SPOCD1: variants seen among roughly 807,000 people sequenced by gnomAD.
SPOCD1 encodes SPOC domain containing 1.
Under a neutral mutation model 92.2 loss-of-function variants are expected in SPOCD1, and 64 were observed. That is an observed-to-expected ratio of 0.69 (90% CI 0.57 to 0.86). The LOEUF is 0.86. Among genes scored for constraint, SPOCD1 ranks in the 40% least tolerant of loss-of-function variants. The probability of loss-of-function intolerance (pLI) is 0.00; values close to 1 mark genes in which losing one functional copy is unlikely to be tolerated. For synonymous variants in SPOCD1, 578 were observed against 619.3 expected, an observed-to-expected ratio of 0.93 and a Z score of 0.99; for missense variants, 1,360 against 1,543.1, an observed-to-expected ratio of 0.88 and a Z score of 1.99.
Position 31,791,180 on chromosome 1 carries a change from C to A in SPOCD1, c.3074G>T (p.Gly1025Val). ...AACCTTCCCCAACCAGGGGCTGGAC[C>A]CTGCTGTGTCTGGAAGCCCTTCCTT... The part of the protein sequence containing the change: ...LPKEGLPDTA[G>V]SSPWLGKVQK... The change falls in exon 16 of 16, where the codon GGG becomes GTG. Residue 1025 changes from glycine to valine, a missense_variant. Coordinates refer to ENST00000360482, the MANE Select transcript of SPOCD1 (RefSeq NM_144569.7). The A allele has an allele frequency of 1.2e-6, 2 of 1,612,296 alleles. No homozygotes were observed. The highest frequency in any genetic ancestry group is 1.7e-5 in the Admixed American group (1 of 59,856).
chr1:31,813,853 C>T (rs1356582264), intron 2 of SPOCD1, 98 bp downstream of exon 2: 7 of 1,107,114 alleles, frequency 6.3e-6, no homozygotes, highest in Non-Finnish European at 6.2e-6. Flanking sequence ...GTTCATGAAG[C>T]GCCCATCTAG....
At chr1:31,807,462 T>C (rs1570193386) in intron 2 of SPOCD1, among the ~76,000 whole-genome samples, 1 of 92,028 alleles carries the variant, frequency 1.1e-5, no homozygotes, top group Non-Finnish European at 2.3e-5. Context: ...AAATAACAGA[T>C]AGGTCAAAGA....
chr1:31,810,916 C>T (rs575398668), intron 2 of SPOCD1, among the ~76,000 whole-genome samples: 2 of 152,230 alleles, frequency 1.3e-5, no homozygotes, highest in South Asian at 4.1e-4. Flanking sequence ...GGCAGAGTTG[C>T]CCCACACACA....
rs1379148874 is a variant in SPOCD1 at position 31,794,239 on chromosome 1, G to A, written c.2272-4C>T. 1 of 1,608,304 alleles carries A rather than the reference G, an allele frequency of 6.2e-7. No homozygotes were observed. The highest frequency in any genetic ancestry group is 8.5e-7 in the Non-Finnish European group (1 of 1,175,486). The stretch of plus-strand genomic sequence containing the variant: ...AGTCCATGAACATCTGCGGTCCCTG[G>A]GAGGCAGAAGACAGAGGGGCAGGCT... On this transcript the variant is annotated splice_region_variant and splice_polypyrimidine_tract_variant and intron_variant, in intron 10 of 15. Coordinates refer to ENST00000360482, the MANE Select transcript of SPOCD1 (RefSeq NM_144569.7).
intron 2 of SPOCD1, among the ~76,000 whole-genome samples, chr1:31,808,983 G>A (rs1436585465): frequency 1.3e-5 from 2 of 152,172 alleles, no homozygotes; most frequent in African/African-American, 4.8e-5. Context: ...GAGGTCAGGA[G>A]TTCAAGACCA....
intron 2 of SPOCD1, among the ~76,000 whole-genome samples, chr1:31,803,669 A>G (rs151098243): frequency 1.3e-3 from 194 of 152,060 alleles, no homozygotes; most frequent in African/African-American, 4.6e-3. Flanking sequence ...TGAGCCGGAG[A>G]AGTCAAGGCT....
chr1:31,792,670 G>T lies in SPOCD1; in HGVS notation c.2775+8C>A. Reference sequence around the variant, plus strand: ...GAAAAGAGGGGGTGCCCAAGAGTGGGCAGGTACCTTGGCCTTGGCTGGGCA... The same window carrying T: ...GAAAAGAGGGGGTGCCCAAGAGTGGTCAGGTACCTTGGCCTTGGCTGGGCA... On this transcript the variant is annotated splice_region_variant and intron_variant, in intron 14 of 15. Transcript: ENST00000360482. The T allele has an allele frequency of 6.3e-7, 1 of 1,588,914 alleles. No homozygotes were observed.
intron 12 of SPOCD1, 53 bp downstream of exon 12, chr1:31,793,694 G>A (rs999345905): frequency 6.2e-7 from 1 of 1,611,424 alleles, no homozygotes. Context: ...CCAGGTGGTG[G>A]CCTCCCCCTC....
rs1557812819 is a variant in SPOCD1 at position 31,791,027 on chromosome 1, C to A, written c.3227G>T (p.Gly1076Val). The change falls in exon 16 of 16, where the codon GGC (glycine) becomes GTC (valine). Residue 1076 changes from glycine (G) to valine (V), a missense_variant. Coordinates refer to ENST00000360482, the MANE Select transcript of SPOCD1 (RefSeq NM_144569.7). ...GGAWQQSQGR[G>V]SIAPRGISAW... ...AGAGATTCCCCTTGGAGCTATACTGCCCCTGCCCTGGCTCTGCTGCCAGGC... is the reference window on the plus strand; with the variant it reads ...AGAGATTCCCCTTGGAGCTATACTGACCCTGCCCTGGCTCTGCTGCCAGGC... The A allele has an allele frequency of 1.9e-6, 3 of 1,611,142 alleles. No individual in the cohort carries two copies. The South Asian group carries it at 3.3e-5, about 18-fold the overall frequency.
chr1:31,805,897 A>G (rs1033272777), intron 2 of SPOCD1, among the ~76,000 whole-genome samples: 4 of 152,234 alleles, frequency 2.6e-5, no homozygotes, highest in African/African-American at 9.6e-5. Flanking sequence ...AATTATGCAA[A>G]AAGGTTAAAA....
chr1:31,790,919 G>A lies in SPOCD1; in HGVS notation c.3335C>T (p.Pro1112Leu). 1 of 1,582,756 alleles carries A rather than the reference G, an allele frequency of 6.3e-7. No homozygotes were observed. Among genetic ancestry groups the A allele is most frequent in the Non-Finnish European group, 8.6e-7 (1 of 1,165,282 alleles). Residue 1112 changes from proline (P) to leucine (L), a missense_variant, in exon 16 of 16, where the codon CCC (proline) becomes CTC (leucine). Transcript: ENST00000360482. ...GGACTGGCGCAAGCCTGGCTCTGGG[G>A]GCCACTGCCCTCGCCCAGGATGCTG... ...NWQHPGRGQWPPEPGLRQSQH... is the reference protein window; with the variant it reads ...NWQHPGRGQWLPEPGLRQSQH...
In SPOCD1 at chr1:31,800,119, C is replaced by T; in HGVS notation, c.1625G>A (p.Gly542Glu). 6.2e-7 allele frequency: 1 copy of T among 1,606,024 alleles called. No homozygotes were observed. The highest frequency in any genetic ancestry group is 8.5e-7 in the Non-Finnish European group (1 of 1,177,516). The change falls in exon 5 of 16, where the codon GGA becomes GAA. Residue 542 changes from glycine to glutamate, a missense_variant. Gly to Glu is a moderately conservative substitution (Grantham distance 98). Coordinates refer to ENST00000360482, the MANE Select transcript of SPOCD1 (RefSeq NM_144569.7). ...GCCACCAGGGTCCCCTGCTGTGCCT[C>T]CTGAAGGAGAAGGCTGGAAAACCTT... ...GCQVFQPSPSGGTAGDPGGLS... is the reference protein window; with the variant it reads ...GCQVFQPSPSEGTAGDPGGLS...
intron 2 of SPOCD1, among the ~76,000 whole-genome samples, chr1:31,808,366 T>C (rs1322451411): frequency 1.3e-5 from 2 of 151,322 alleles, no homozygotes; most frequent in Admixed American, 1.3e-4. Context: ...ACTCCTTAAA[T>C]TAACGTTAAT....
chr1:31,803,383 A>C (rs1392976493), intron 2 of SPOCD1, among the ~76,000 whole-genome samples: 2 of 151,078 alleles, frequency 1.3e-5, no homozygotes, highest in Non-Finnish European at 3.0e-5. Context: ...GATGCAGCTG[A>C]AACAAATTAG....
At chr1:31,800,958 G>A (rs886853001) in intron 3 of SPOCD1, among the ~76,000 whole-genome samples, 2 of 152,262 alleles carry the variant, frequency 1.3e-5, no homozygotes, top group South Asian at 2.1e-4. Context: ...TCTGACCACA[G>A]ATGCATCTCA....
chr1:31,796,583 A>T lies in SPOCD1; in HGVS notation c.2271+7T>A, dbSNP rs200993249. ...CTGCCCAGCACCAGGTCAGGCTCCA[A>T]CTTAACCACCAGATCCTCCAGGGTC... On this transcript the variant is annotated splice_region_variant and intron_variant, in intron 10 of 15. Coordinates refer to ENST00000360482, the MANE Select transcript of SPOCD1 (RefSeq NM_144569.7). 6.2e-7 allele frequency: 1 copy of T among 1,614,220 alleles called. No individual in the cohort carries two copies. Among genetic ancestry groups the T allele is most frequent in the African/African-American group, 1.3e-5 (1 of 75,048 alleles).
chr1:31,807,667 C>G (rs1046019766), intron 2 of SPOCD1, among the ~76,000 whole-genome samples: 2 of 151,414 alleles, frequency 1.3e-5, no homozygotes, highest in African/African-American at 4.9e-5. Flanking sequence ...ATAAACTGAA[C>G]GGAAGGTGAC....
intron 2 of SPOCD1, among the ~76,000 whole-genome samples, chr1:31,803,664 C>T (rs6675519): frequency 0.026 from 3,951 of 151,676 alleles, 156 homozygotes; most frequent in African/African-American, 0.09. Context: ...TTGTTTGAGC[C>T]GGAGAAGTCA....
chr1:31,814,340 C>T lies in SPOCD1; in HGVS notation c.994G>A (p.Ala332Thr), dbSNP rs968306366. Reference sequence around the variant, plus strand: ...TGCTCTGCAGAGGCCTGTGCTGACGCCCCCAGGCACAGTGCTGCGCTCTGT... The same window carrying T: ...TGCTCTGCAGAGGCCTGTGCTGACGTCCCCAGGCACAGTGCTGCGCTCTGT... ...PPQSAALCLGASAQASAEQQE... is the reference protein window; with the variant it reads ...PPQSAALCLGTSAQASAEQQE... The change falls in exon 2 of 16, where the codon GCG becomes ACG. Residue 332 changes from alanine (A) to threonine (T), a missense_variant. By Grantham distance (58) the Ala-to-Thr change is moderately conservative (BLOSUM62 0). Coordinates refer to ENST00000360482, the MANE Select transcript of SPOCD1 (RefSeq NM_144569.7). This position sits in a 1 kb window ranked among gnomAD's most constrained non-coding sequence, Gnocchi z 4.2. 19 of 1,580,668 alleles carry T rather than the reference C, an allele frequency of 1.2e-5. No individual in the cohort carries two copies. Among genetic ancestry groups the T allele is most frequent in the Non-Finnish European group, 1.5e-5 (17 of 1,160,172 alleles).
Sources: gnomAD v4.1 joint callset for allele counts (sites outside exome capture counted in the v4.1 genomes callset) on GRCh38, gnomAD v4.1.1 for gene constraint, Gnocchi (gnomAD v3.1) non-coding constraint, MANE v1.5 for transcripts, NCBI Gene and HGNC (gene_info 2026-07-23, HGNC 2026-07-21) for gene names.